The following ASTN2 variants were observed in gnomAD, a reference collection of about 807,000 sequenced individuals.
ASTN2 encodes the protein astrotactin-2.
ASTN2 carries 54 observed loss-of-function variants against 139.8 expected under a neutral mutation model. The observed-to-expected ratio is 0.39, with a 90% CI of 0.31 to 0.48. ASTN2 has a LOEUF of 0.48. Ranked by LOEUF, ASTN2 falls within the 20% of genes least tolerant of loss-of-function variation. ASTN2 has a pLI of 0.95. For missense variants in ASTN2, 1,565 were observed against 1,725.1 expected, an observed-to-expected ratio of 0.91 and a Z score of 1.64; for synonymous variants, 756 against 719.5, an observed-to-expected ratio of 1.05 and a Z score of -0.81.
At chr9:116,988,314 T>C (rs999632031) in intron 7 of ASTN2, among the ~76,000 whole-genome samples, 1 of 152,204 alleles carries the variant, frequency 6.6e-6, no homozygotes, top group Non-Finnish European at 1.5e-5. Flanking sequence ...TCATGCCCAC[T>C]CTTCTCATTG....
At chr9:116,522,304 C>CAT (rs1021081128) in intron 19 of ASTN2, among the ~76,000 whole-genome samples, 5 of 151,984 alleles carry the variant, frequency 3.3e-5, no homozygotes, top group African/African-American at 9.7e-5. Context: ...GAAAATGTAG[C>CAT]ATATATATAC....
intron 13 of ASTN2, among the ~76,000 whole-genome samples, chr9:116,740,082 A>G (rs985672786): frequency 2.0e-5 from 3 of 152,224 alleles, no homozygotes; most frequent in African/African-American, 4.8e-5. Context: ...GTGGGACCAG[A>G]TGAGAAAAGA....
At chr9:116,573,859 G>T (rs1853620303) in intron 19 of ASTN2, among the ~76,000 whole-genome samples, 1 of 152,172 alleles carries the variant, frequency 6.6e-6, no homozygotes, top group South Asian at 2.1e-4. Context: ...ACTCCTGTGA[G>T]TATGATTTTA....
At chr9:117,159,764 C>G (rs1830507284) in intron 3 of ASTN2, among the ~76,000 whole-genome samples, 1 of 151,954 alleles carries the variant, frequency 6.6e-6, no homozygotes, top group Non-Finnish European at 1.5e-5. Flanking sequence ...CTTGAAAAAC[C>G]AGAATTTGCA....
chr9:116,980,728 T>C (rs1351228466), intron 7 of ASTN2, among the ~76,000 whole-genome samples: 1 of 152,206 alleles, frequency 6.6e-6, no homozygotes, highest in Non-Finnish European at 1.5e-5. Context: ...ATCAATGCCA[T>C]AGGTATTGGC....
At chr9:116,448,566 G>A (rs964376829) in intron 20 of ASTN2, among the ~76,000 whole-genome samples, 2 of 152,168 alleles carry the variant, frequency 1.3e-5, no homozygotes, top group Non-Finnish European at 2.9e-5. Flanking sequence ...ACTGGATTCC[G>A]TGGCAAACAG....
chr9:116,919,373 GA>G (rs2132433108), intron 10 of ASTN2, among the ~76,000 whole-genome samples: 1 of 152,234 alleles, frequency 6.6e-6, no homozygotes, highest in African/African-American at 2.4e-5. Context: ...ATGTAGAAGA[GA>G]AATGGAACCT....
At chr9:117,182,651 A>C (rs1485018402) in intron 3 of ASTN2, among the ~76,000 whole-genome samples, 4 of 152,176 alleles carry the variant, frequency 2.6e-5, no homozygotes, top group Non-Finnish European at 5.9e-5. Context: ...TCCTTGTATA[A>C]GCAATCACTT....
At chr9:117,094,926 C>G (rs1443493513) in intron 5 of ASTN2, among the ~76,000 whole-genome samples, 1 of 152,162 alleles carries the variant, frequency 6.6e-6, no homozygotes, top group Non-Finnish European at 1.5e-5. Context: ...TGCCTAAGAG[C>G]CAAAGGAGCA....
In ASTN2 at chr9:117,228,298, C is replaced by A. The variant is rs751861841; in HGVS notation, c.631-13556G>T. Among the ~76,000 whole-genome samples the A allele has an allele frequency of 9.2e-5, 14 of 152,232 alleles. No homozygotes were observed. The South Asian group carries it at 2.9e-3, about 32-fold the overall frequency. Reference sequence around the variant, plus strand: ...CTTAGGCGCAAAAGAAACAAAGCTGCAAATCTGCCAGCTTTCCAATACTTC... The same window carrying A: ...CTTAGGCGCAAAAGAAACAAAGCTGAAAATCTGCCAGCTTTCCAATACTTC... On this transcript the variant is annotated intron_variant, in intron 2 of 22. Transcript: ENST00000313400.
intron 10 of ASTN2, among the ~76,000 whole-genome samples, chr9:116,868,508 A>T (rs1359703): frequency 0.38 from 58,130 of 152,040 alleles, 11,853 homozygotes; most frequent in Non-Finnish European, 0.46. Flanking sequence ...GCAGAGCCTG[A>T]GAGTTCTTTG....
intron 1 of ASTN2, among the ~76,000 whole-genome samples, chr9:117,292,104 C>T (rs776606365): frequency 2.0e-5 from 3 of 152,142 alleles, no homozygotes; most frequent in African/African-American, 4.8e-5. Context: ...ATATACTGCA[C>T]TCCCAAGCAA....
intron 13 of ASTN2, among the ~76,000 whole-genome samples, chr9:116,769,861 A>G (rs1052096278): frequency 6.6e-6 from 1 of 152,090 alleles, no homozygotes; most frequent in Non-Finnish European, 1.5e-5. Context: ...GCTGGGCAAC[A>G]TAGCAAGACC....
chr9:117,044,265 A>T (rs1838668795), intron 5 of ASTN2, among the ~76,000 whole-genome samples: 1 of 152,208 alleles, frequency 6.6e-6, no homozygotes, highest in Non-Finnish European at 1.5e-5. Flanking sequence ...GTAGAGAAGG[A>T]CATAAGAAGG....
At chr9:117,178,986 T>A (rs1310723042) in intron 3 of ASTN2, among the ~76,000 whole-genome samples, 30 of 152,244 alleles carry the variant, frequency 2.0e-4, no homozygotes, top group Admixed American at 2.0e-3. Context: ...TTTATTCTTT[T>A]GTAAACATAG....
intron 19 of ASTN2, among the ~76,000 whole-genome samples, chr9:116,541,469 G>T (rs1178677454): frequency 6.6e-6 from 1 of 152,144 alleles, no homozygotes; most frequent in East Asian, 1.9e-4. Flanking sequence ...TGTTGCCATG[G>T]TTTTCCTAGT....
At chr9:117,055,620 G>A (rs1297523502) in intron 5 of ASTN2, among the ~76,000 whole-genome samples, 1 of 152,210 alleles carries the variant, frequency 6.6e-6, no homozygotes, top group Non-Finnish European at 1.5e-5. Flanking sequence ...ATTTACACGA[G>A]AGGAGGCTGA....
At chr9:116,937,674 C>A (rs1423165583) in intron 10 of ASTN2, among the ~76,000 whole-genome samples, 2 of 152,072 alleles carry the variant, frequency 1.3e-5, no homozygotes, top group East Asian at 3.9e-4. Context: ...GAAAGATATG[C>A]ATTTGAGGTT....
chr9:117,130,595 T>G (rs1241011926), intron 4 of ASTN2, among the ~76,000 whole-genome samples: 1 of 152,202 alleles, frequency 6.6e-6, no homozygotes, highest in Non-Finnish European at 1.5e-5. Context: ...TGAATCTTAA[T>G]TTTTTAAAAA....
Sources: gnomAD v4.1 joint callset for allele counts (sites outside exome capture counted in the v4.1 genomes callset) on GRCh38, gnomAD v4.1.1 for gene constraint, MANE v1.5 for transcripts, NCBI Gene and HGNC (gene_info 2026-07-23, HGNC 2026-07-21) for gene names.